STK3: variants seen among roughly 807,000 people sequenced by gnomAD.
The protein encoded by STK3 is serine/threonine kinase 3, also known as serine/threonine-protein kinase 3.
Under a neutral mutation model 58.0 loss-of-function variants are expected in STK3, and 41 were observed. The observed-to-expected ratio is 0.71, with a 90% CI of 0.55 to 0.92. The LOEUF (loss-of-function observed/expected upper bound fraction) is 0.92, where lower values mean the gene tolerates loss of function less well. Among genes scored for constraint, STK3 ranks in the 40% least tolerant of loss-of-function variants. STK3 has a pLI of 0.00. For synonymous variants in STK3, 170 were observed against 191.0 expected, an observed-to-expected ratio of 0.89 and a Z score of 0.91; for missense variants, 479 against 602.7, an observed-to-expected ratio of 0.79 and a Z score of 2.15.
chr8:98,843,022 A>C (rs983227758), intron 3 of STK3, among the ~76,000 whole-genome samples: 6 of 151,472 alleles, frequency 4.0e-5, no homozygotes, highest in Non-Finnish European at 5.9e-5. Flanking sequence ...CCTAAAAATA[A>C]ATAAATAAAT....
At chr8:98,782,162 C>A in intron 1 of STK3, 1 of 219,604 alleles carries the variant, frequency 4.6e-6, no homozygotes, top group South Asian at 7.7e-5. Flanking sequence ...GTCAGCAGAT[C>A]CAGAAGCTGA....
At chr8:98,411,141 A>G (rs1818051683) in intron 3 of STK3, among the ~76,000 whole-genome samples, 1 of 152,234 alleles carries the variant, frequency 6.6e-6, no homozygotes, top group South Asian at 2.1e-4. Flanking sequence ...CAGCTCTTGC[A>G]TAGTCAAAAG....
At chr8:98,841,529 A>G (rs1157418614) in intron 3 of STK3, among the ~76,000 whole-genome samples, 1 of 151,252 alleles carries the variant, frequency 6.6e-6, no homozygotes, top group East Asian at 1.9e-4. Context: ...CTAAAAAAAG[A>G]AAAAAAAAGT....
At chr8:98,624,818 C>G (rs1357744187) in intron 6 of STK3, among the ~76,000 whole-genome samples, 2 of 151,612 alleles carry the variant, frequency 1.3e-5, no homozygotes, top group African/African-American at 4.9e-5. Context: ...CGTGCCACTG[C>G]ACTCAAGCCT....
In STK3 at chr8:98,668,022, A is replaced by G. The variant is rs561189202; in HGVS notation, c.684+38445T>C. 2.0e-5 allele frequency among the ~76,000 whole-genome samples: 3 copies of G among 152,248 alleles called. No individual in the cohort carries two copies. In the South Asian group the frequency reaches 6.2e-4, roughly 32 times the overall value. Reference sequence around the variant, plus strand: ...AGACACTTTCTCAGTTGTTTAATACAGTTTCAGTGACAAAATACACTTACT... The same window carrying G: ...AGACACTTTCTCAGTTGTTTAATACGGTTTCAGTGACAAAATACACTTACT... On this transcript the variant is annotated intron_variant, in intron 6 of 10. Transcript: ENST00000419617.
intron 3 of STK3, among the ~76,000 whole-genome samples, chr8:98,842,774 G>A (rs1836045610): frequency 6.6e-6 from 1 of 152,092 alleles, no homozygotes; most frequent in Non-Finnish European, 1.5e-5. Flanking sequence ...GCCGAGGCAG[G>A]TGGATTGTTT....
At chr8:98,698,489 C>T (rs913653958) in intron 6 of STK3, among the ~76,000 whole-genome samples, 48 of 152,116 alleles carry the variant, frequency 3.2e-4, no homozygotes, top group Non-Finnish European at 5.9e-4. Flanking sequence ...CATGATTTTG[C>T]AGTGGCTGGT....
chr8:98,375,601 C>T (rs534185464), intron 2 of STK3, among the ~76,000 whole-genome samples: 1 of 152,320 alleles, frequency 6.6e-6, no homozygotes, highest in South Asian at 2.1e-4. Flanking sequence ...CTGATCTATT[C>T]TCCATTCTAA....
intron 6 of STK3, among the ~76,000 whole-genome samples, chr8:98,694,320 C>G (rs1365367527): frequency 1.3e-5 from 2 of 151,982 alleles, no homozygotes; most frequent in Non-Finnish European, 1.5e-5. Context: ...TGTAAGGACA[C>G]AGAGATAGAG....
intron 4 of STK3, among the ~76,000 whole-genome samples, chr8:98,712,952 A>G (rs1456091743): frequency 2.6e-5 from 4 of 152,228 alleles, no homozygotes; most frequent in Admixed American, 1.3e-4. Context: ...CTACAGTGCA[A>G]TCAAACTAGA....
chr8:98,711,707 T>C (rs1271869956), intron 4 of STK3, among the ~76,000 whole-genome samples: 1 of 152,090 alleles, frequency 6.6e-6, no homozygotes, highest in Non-Finnish European at 1.5e-5. Context: ...TGGAAAACAC[T>C]CCGCAGGATA....
In STK3 at chr8:98,428,665, T is replaced by C. The variant is rs1228502968; in HGVS notation, n.483+5462A>G. On this transcript the variant is annotated intron_variant and non_coding_transcript_variant, in intron 3 of 3. Transcript: ENST00000517832. The surrounding 1 kb of genome is among the most constrained non-coding windows in gnomAD (Gnocchi z 6.7). Reference sequence around the variant, plus strand: ...CCTGGCGAGGACCCTAGGTTCGAAATCGTGGAGCACTTTGGCATTGCCTGG... The same window carrying C: ...CCTGGCGAGGACCCTAGGTTCGAAACCGTGGAGCACTTTGGCATTGCCTGG... 1 of 1,614,178 alleles carries C rather than the reference T, an allele frequency of 6.2e-7. No individual in the cohort carries two copies. The highest frequency in any genetic ancestry group is 1.1e-5 in the South Asian group (1 of 91,086).
chr8:98,460,124 T>G (rs1211600955), intron 10 of STK3, among the ~76,000 whole-genome samples: 4 of 152,194 alleles, frequency 2.6e-5, no homozygotes, highest in Non-Finnish European at 2.9e-5. Flanking sequence ...AGAGGAGGGC[T>G]GTAACCTGCA....
At chr8:98,606,762 T>C (rs1481272554) in intron 6 of STK3, among the ~76,000 whole-genome samples, 1 of 152,210 alleles carries the variant, frequency 6.6e-6, no homozygotes, top group African/African-American at 2.4e-5. Context: ...CTGTGTTCCC[T>C]CTCAGACAAT....
At chr8:98,456,052 C>T (rs1819467036) in intron 10 of STK3, 52 bp from the exon 11 acceptor site, 3 of 1,491,514 alleles carry the variant, frequency 2.0e-6, no homozygotes, top group Non-Finnish European at 1.8e-6. Flanking sequence ...ACATTATCCA[C>T]AATCAATACA....
chr8:98,670,958 C>G (rs1008989981), intron 6 of STK3, among the ~76,000 whole-genome samples: 10 of 152,136 alleles, frequency 6.6e-5, no homozygotes, highest in African/African-American at 1.9e-4. Flanking sequence ...GCTGTGGGAT[C>G]CACACTGGAG....
intron 10 of STK3, among the ~76,000 whole-genome samples, chr8:98,519,318 A>T (rs531101639): frequency 6.6e-6 from 1 of 152,244 alleles, no homozygotes; most frequent in Non-Finnish European, 1.5e-5. Context: ...AAACTGGTAG[A>T]TGCTGCTGGC....
chr8:98,896,599 C>A (rs1564089416), intron 1 of STK3, among the ~76,000 whole-genome samples: 1 of 152,146 alleles, frequency 6.6e-6, no homozygotes, highest in Non-Finnish European at 1.5e-5. Flanking sequence ...TGTTATCTGC[C>A]CACATTCTTG....
chr8:98,372,825 G>A (rs550677025), intron 2 of STK3, among the ~76,000 whole-genome samples: 67 of 152,304 alleles, frequency 4.4e-4, no homozygotes, highest in African/African-American at 1.5e-3. Context: ...TTCCAGCTGC[G>A]TGGCTTTGGG....
Sources: gnomAD v4.1 joint callset for allele counts (sites outside exome capture counted in the v4.1 genomes callset) on GRCh38, gnomAD v4.1.1 for gene constraint, Gnocchi (gnomAD v3.1) non-coding constraint, MANE v1.5 for transcripts, NCBI Gene and HGNC (gene_info 2026-07-23, HGNC 2026-07-21) for gene names.